The following CDH13 variants were observed in gnomAD, a reference collection of about 807,000 sequenced individuals.
The protein encoded by CDH13 is cadherin 13.
Under a neutral mutation model 63.8 loss-of-function variants are expected in CDH13, and 24 were observed. The ratio of observed to expected loss-of-function variants is 0.38; its 90% CI spans 0.27 to 0.53. The LOEUF (loss-of-function observed/expected upper bound fraction) is 0.53. CDH13 is among the 20% of genes least tolerant of loss of function. CDH13 has a pLI of 0.85. For synonymous variants in CDH13, 503 were observed against 355.3 expected, an observed-to-expected ratio of 1.42 and a Z score of -4.67; for missense variants, 1,049 against 903.1, an observed-to-expected ratio of 1.16 and a Z score of -2.07.
At chr16:82,782,405 C>A (rs62034546) in intron 1 of CDH13, among the ~76,000 whole-genome samples, 44,421 of 151,946 alleles carry the variant, frequency 0.29, 6,952 homozygotes, top group South Asian at 0.44. Flanking sequence ...ACTAAAAATA[C>A]AAACATTAGC....
chr16:82,806,239 A>G (rs938364225), intron 1 of CDH13, among the ~76,000 whole-genome samples: 1 of 152,166 alleles, frequency 6.6e-6, no homozygotes, highest in Non-Finnish European at 1.5e-5. Context: ...GTCCCTTCAT[A>G]ATAAACCATC....
intron 7 of CDH13, among the ~76,000 whole-genome samples, chr16:83,569,816 A>C (rs1943417388): frequency 6.6e-6 from 1 of 152,126 alleles, no homozygotes; most frequent in South Asian, 2.1e-4. Context: ...CGCTCACTGC[A>C]ACCTCTGCCT....
At chr16:82,830,918 A>G (rs1029610963) in intron 1 of CDH13, among the ~76,000 whole-genome samples, 2 of 152,208 alleles carry the variant, frequency 1.3e-5, no homozygotes, top group Non-Finnish European at 2.9e-5. Flanking sequence ...ACTATATTTT[A>G]TATAAAAGTG....
chr16:83,347,558 G>A (rs2151369697), intron 6 of CDH13, among the ~76,000 whole-genome samples: 1 of 152,264 alleles, frequency 6.6e-6, no homozygotes, highest in South Asian at 2.1e-4. Context: ...CTGTGTGCCA[G>A]CAGCCATATA....
intron 2 of CDH13, among the ~76,000 whole-genome samples, chr16:82,890,996 C>A (rs755380403): frequency 6.6e-6 from 1 of 151,142 alleles, no homozygotes; most frequent in African/African-American, 2.4e-5. Flanking sequence ...ACTTGAAGCC[C>A]AGAAAGGCTA....
chr16:82,837,302 T>A (rs1259210355), intron 1 of CDH13, among the ~76,000 whole-genome samples: 1 of 152,116 alleles, frequency 6.6e-6, no homozygotes, highest in Non-Finnish European at 1.5e-5. Flanking sequence ...CAGAGGCTTG[T>A]GGTGAGGATT....
At chr16:82,746,650 C>A (rs1197682908) in intron 1 of CDH13, among the ~76,000 whole-genome samples, 2 of 151,962 alleles carry the variant, frequency 1.3e-5, no homozygotes, top group Non-Finnish European at 2.9e-5. Context: ...CACTTATTTT[C>A]TTCTCAAGTA....
chr16:83,767,598 C>T (rs1403332527), intron 11 of CDH13, among the ~76,000 whole-genome samples: 1 of 152,128 alleles, frequency 6.6e-6, no homozygotes, highest in South Asian at 2.1e-4. Context: ...GAAACAACTC[C>T]AATGTCCATC....
In CDH13 at chr16:83,599,985, G is replaced by C. The variant is rs903540612; in HGVS notation, c.961-2469G>C. On this transcript the variant is annotated intron_variant, in intron 7 of 13. Coordinates refer to ENST00000567109, the MANE Select transcript of CDH13 (RefSeq NM_001257.5). ...GAAATTATAGCCAATAGTACATGCA[G>C]TCCAGCTCGTCAGTGATGACAAGCA... Among the ~76,000 whole-genome samples the C allele has an allele frequency of 3.9e-5, 6 of 152,268 alleles. No homozygotes were observed. In the East Asian group the frequency reaches 1.2e-3, roughly 29 times the overall value.
At chr16:82,697,045 C>A (rs1483941906) in intron 1 of CDH13, among the ~76,000 whole-genome samples, 1 of 152,086 alleles carries the variant, frequency 6.6e-6, no homozygotes, top group Non-Finnish European at 1.5e-5. Flanking sequence ...AAGGAAGGAA[C>A]CAGAACACCA....
At chr16:83,327,963 T>G (rs974752447) in intron 5 of CDH13, among the ~76,000 whole-genome samples, 1 of 152,030 alleles carries the variant, frequency 6.6e-6, no homozygotes, top group Non-Finnish European at 1.5e-5. Context: ...AAACCCCGTC[T>G]CTACTGAAAA....
intron 1 of CDH13, among the ~76,000 whole-genome samples, chr16:82,704,756 C>A (rs1475774374): frequency 6.6e-6 from 1 of 152,186 alleles, no homozygotes; most frequent in Non-Finnish European, 1.5e-5. Context: ...CACTAAGCCT[C>A]CTGAATACTT....
chr16:83,627,150 T>A (rs1445225268), intron 8 of CDH13, among the ~76,000 whole-genome samples: 1 of 145,872 alleles, frequency 6.9e-6, no homozygotes, highest in Non-Finnish European at 1.5e-5. Context: ...ATGAGCTGAG[T>A]GTGGCAGCCT....
At chr16:83,370,045 T>G (rs1004011497) in intron 6 of CDH13, among the ~76,000 whole-genome samples, 14 of 152,214 alleles carry the variant, frequency 9.2e-5, no homozygotes, top group Non-Finnish European at 1.9e-4. Flanking sequence ...CGTATTTACC[T>G]GTATCTCCAA....
At chr16:83,152,762 C>T (rs2037039544) in intron 4 of CDH13, among the ~76,000 whole-genome samples, 1 of 152,186 alleles carries the variant, frequency 6.6e-6, no homozygotes. Context: ...TCTGGTCTCT[C>T]AGAATGTGGC....
intron 5 of CDH13, among the ~76,000 whole-genome samples, chr16:83,310,632 T>C (rs2089978967): frequency 3.3e-5 from 5 of 152,180 alleles, no homozygotes; most frequent in Admixed American, 3.3e-4. Flanking sequence ...TCACTTGGCT[T>C]CCTTTTTAGT....
At chr16:83,024,094 T>G (rs1318569914) in intron 2 of CDH13, among the ~76,000 whole-genome samples, 2 of 152,098 alleles carry the variant, frequency 1.3e-5, no homozygotes, top group African/African-American at 4.8e-5. Context: ...TATACCTGAG[T>G]AGAGTGGATG....
At chr16:83,522,924 C>G (rs564381749) in intron 7 of CDH13, among the ~76,000 whole-genome samples, 2 of 152,346 alleles carry the variant, frequency 1.3e-5, no homozygotes, top group South Asian at 4.1e-4. Flanking sequence ...GCTAGCCACA[C>G]CAAGTCCCTT....
intron 3 of CDH13, among the ~76,000 whole-genome samples, chr16:83,079,752 A>C (rs2033108505): frequency 6.6e-6 from 1 of 152,206 alleles, no homozygotes; most frequent in South Asian, 2.1e-4. Context: ...AGGATTTTTT[A>C]TGTCAGTCAA....
Sources: gnomAD v4.1 joint callset for allele counts (sites outside exome capture counted in the v4.1 genomes callset) on GRCh38, gnomAD v4.1.1 for gene constraint, MANE v1.5 for transcripts, NCBI Gene and HGNC (gene_info 2026-07-23, HGNC 2026-07-21) for gene names.